STK32B: variants seen among roughly 807,000 people sequenced by gnomAD.
STK32B encodes serine/threonine kinase 32B.
STK32B carries 43 observed loss-of-function variants against 52.6 expected under a neutral mutation model. That is an observed-to-expected ratio of 0.82 (90% CI 0.64 to 1.05). STK32B has a LOEUF of 1.05. Among genes scored for constraint, STK32B ranks in the 50% least tolerant of loss-of-function variants. The pLI is 0.00. For synonymous variants in STK32B, 238 were observed against 204.3 expected, an observed-to-expected ratio of 1.17 and a Z score of -1.41; for missense variants, 621 against 534.6, an observed-to-expected ratio of 1.16 and a Z score of -1.59.
At chr4:5,221,782 G>T (rs1723552080) in intron 3 of STK32B, among the ~76,000 whole-genome samples, 1 of 150,190 alleles carries the variant, frequency 6.7e-6, no homozygotes, top group South Asian at 2.1e-4. Flanking sequence ...CTTGAACCAG[G>T]GAGACAGAGG....
upstream of STK32B, among the ~76,000 whole-genome samples, chr4:5,049,624 AG>A (rs1392170535): frequency 6.6e-6 from 1 of 152,194 alleles, no homozygotes; most frequent in African/African-American, 2.4e-5. Flanking sequence ...CAGTTAAGGC[AG>A]GAACAGGCCA....
At chr4:5,417,511 A>G (rs1005611650) in intron 6 of STK32B, among the ~76,000 whole-genome samples, 1 of 152,062 alleles carries the variant, frequency 6.6e-6, no homozygotes, top group African/African-American at 2.4e-5. Context: ...TCTCATTGTT[A>G]TATTTCTCTT....
At chr4:5,228,271 C>G (rs1724007920) in intron 3 of STK32B, among the ~76,000 whole-genome samples, 1 of 152,140 alleles carries the variant, frequency 6.6e-6, no homozygotes, top group East Asian at 1.9e-4. Flanking sequence ...GAGTGAAATT[C>G]TACAATGAGC....
At chr4:5,370,031 C>T (rs185166074) in intron 4 of STK32B, among the ~76,000 whole-genome samples, 7 of 151,906 alleles carry the variant, frequency 4.6e-5, no homozygotes, top group South Asian at 2.1e-4. Context: ...GCCACCATCA[C>T]GCCCGGCTAA....
chr4:5,324,190 T>G (rs1026600370), intron 3 of STK32B, among the ~76,000 whole-genome samples: 1 of 152,078 alleles, frequency 6.6e-6, no homozygotes, highest in Non-Finnish European at 1.5e-5. Flanking sequence ...CTTGTCACTT[T>G]TAAAAATATA....
At chr4:5,048,517 G>A (rs183133173), upstream of STK32B, among the ~76,000 whole-genome samples, 269 of 152,208 alleles carry the variant, frequency 1.8e-3, no homozygotes, top group Middle Eastern at 0.014. Flanking sequence ...AGCTGGTCTC[G>A]AACTCCTGAG....
At chr4:5,348,511 A>G (rs1298138833) in intron 4 of STK32B, among the ~76,000 whole-genome samples, 1 of 152,190 alleles carries the variant, frequency 6.6e-6, no homozygotes, top group Non-Finnish European at 1.5e-5. Flanking sequence ...CCCGACCTCT[A>G]GTAGAGGGGT....
At chr4:5,308,098 G>T (rs1161458958) in intron 3 of STK32B, among the ~76,000 whole-genome samples, 3 of 152,176 alleles carry the variant, frequency 2.0e-5, no homozygotes, top group African/African-American at 7.2e-5. Context: ...GTTTTGTGTT[G>T]TTTAGCCTCC....
chr4:5,084,688 G>A (rs1309103747), intron 1 of STK32B, among the ~76,000 whole-genome samples: 4 of 151,962 alleles, frequency 2.6e-5, no homozygotes, highest in African/African-American at 9.7e-5. Flanking sequence ...TTTCTTTGTT[G>A]GAAAAAGTAA....
At chr4:5,048,528 C>G (rs1431902591), upstream of STK32B, among the ~76,000 whole-genome samples, 2 of 152,128 alleles carry the variant, frequency 1.3e-5, no homozygotes, top group African/African-American at 4.8e-5. Context: ...AACTCCTGAG[C>G]TTAGGTAATC....
At chr4:5,384,347 C>G (rs903698121) in intron 4 of STK32B, among the ~76,000 whole-genome samples, 9 of 152,050 alleles carry the variant, frequency 5.9e-5, no homozygotes, top group African/African-American at 2.2e-4. Flanking sequence ...GTTTGCTATT[C>G]AGGCAGATGT....
At chr4:5,306,479 C>T (rs1729932967) in intron 3 of STK32B, among the ~76,000 whole-genome samples, 2 of 151,954 alleles carry the variant, frequency 1.3e-5, no homozygotes, top group African/African-American at 4.8e-5. Context: ...TCTTTTTTAA[C>T]TATTGTAGCT....
At chr4:5,292,067 A>G (rs1728926410) in intron 3 of STK32B, among the ~76,000 whole-genome samples, 1 of 152,118 alleles carries the variant, frequency 6.6e-6, no homozygotes, top group South Asian at 2.1e-4. Flanking sequence ...GGTTGATGCC[A>G]TGTCTTTGTT....
intron 3 of STK32B, among the ~76,000 whole-genome samples, chr4:5,290,812 G>A (rs60011136): frequency 0.13 from 19,607 of 151,994 alleles, 2,077 homozygotes; most frequent in African/African-American, 0.29. Flanking sequence ...TAGGAATGCA[G>A]TACTCTTGAA....
rs16836598 is a variant in STK32B, at chr4:5,077,229, C to T, written c.52+25314C>T. ...TAGTGTACTGTACATTTAATATGGT[C>T]CCCCATGTCAGTTTACCAAAGAGAG... is the stretch of plus-strand genomic sequence containing the variant. On this transcript the variant is annotated intron_variant, in intron 1 of 11. Coordinates refer to ENST00000282908, the MANE Select transcript of STK32B (RefSeq NM_018401.3). 8.6e-3 allele frequency among the ~76,000 whole-genome samples: 1,315 copies of T among 152,232 alleles called. 20 individuals carry two copies. Among genetic ancestry groups the T allele is most frequent in the African/African-American group, 0.028 (1,160 of 41,546 alleles).
At chr4:5,053,375 A>G (rs1741863565) in intron 1 of STK32B, among the ~76,000 whole-genome samples, 1 of 152,112 alleles carries the variant, frequency 6.6e-6, no homozygotes, top group Non-Finnish European at 1.5e-5. Flanking sequence ...GAGGTAATGG[A>G]GGCTCTTGCA....
intron 7 of STK32B, among the ~76,000 whole-genome samples, chr4:5,456,433 G>A (rs1228246099): frequency 6.6e-6 from 1 of 152,236 alleles, no homozygotes; most frequent in African/African-American, 2.4e-5. Flanking sequence ...GGCTATGACT[G>A]GAGGTGTCCG....
At chr4:5,284,572 C>T (rs1043118914) in intron 3 of STK32B, among the ~76,000 whole-genome samples, 7 of 151,986 alleles carry the variant, frequency 4.6e-5, no homozygotes, top group African/African-American at 7.2e-5. Flanking sequence ...AGACCGTACA[C>T]GGGGACATTC....
At chr4:5,316,158 T>C (rs1361778370) in intron 3 of STK32B, among the ~76,000 whole-genome samples, 2 of 88,488 alleles carry the variant, frequency 2.3e-5, no homozygotes, top group Non-Finnish European at 3.9e-5. Context: ...ACTAAATATA[T>C]ATAACTAAAT....
Sources: allele counts gnomAD v4.1 joint callset (sites outside exome capture counted in the v4.1 genomes callset), GRCh38; gene constraint gnomAD v4.1.1; transcripts MANE v1.5; gene names NCBI Gene and HGNC (gene_info 2026-07-23, HGNC 2026-07-21).